The following PPP3CC variants were observed in gnomAD, a reference collection of about 807,000 sequenced individuals.
PPP3CC encodes serine/threonine-protein phosphatase 2B catalytic subunit gamma isoform.
A neutral mutation model predicts 60.3 loss-of-function variants in PPP3CC; 35 were observed. The ratio of observed to expected loss-of-function variants is 0.58; its 90% CI spans 0.44 to 0.77. The LOEUF is 0.77. Among genes scored for constraint, PPP3CC ranks in the 30% least tolerant of loss-of-function variants. The pLI, the probability that PPP3CC is intolerant of heterozygous loss-of-function variation, is 0.00. For synonymous variants in PPP3CC, 206 were observed against 224.3 expected (o/e 0.92, Z 0.73); for missense variants, 570 against 628.9 (o/e 0.91, Z 1.00).
chr8:22,458,028 A>G (rs1447054967), intron 1 of PPP3CC, among the ~76,000 whole-genome samples: 1 of 151,936 alleles, frequency 6.6e-6, no homozygotes, highest in African/African-American at 2.4e-5. Context: ...GAGGCAGAGG[A>G]TGCAGTGAGC....
At chr8:22,460,392 A>G (rs181492579) in intron 1 of PPP3CC, among the ~76,000 whole-genome samples, 10 of 152,062 alleles carry the variant, frequency 6.6e-5, no homozygotes, top group Non-Finnish European at 1.3e-4. Flanking sequence ...GAGTCTCGCT[A>G]TGTTGCCCAG....
intron 6 of PPP3CC, among the ~76,000 whole-genome samples, chr8:22,514,531 G>A (rs1327909109): frequency 1.3e-5 from 2 of 151,380 alleles, no homozygotes; most frequent in Non-Finnish European, 2.9e-5. Context: ...ATATTTATGG[G>A]TTATATGAGA....
chr8:22,471,725 C>T (rs868372154), intron 1 of PPP3CC, among the ~76,000 whole-genome samples: 2 of 152,028 alleles, frequency 1.3e-5, no homozygotes, highest in Admixed American at 6.6e-5. Context: ...CTGGGTGAGT[C>T]GGAGGTGAAT....
chr8:22,540,505 C>A (rs942014235), intron 13 of PPP3CC, 110 bp from the exon 14 acceptor site: 1 of 1,108,334 alleles, frequency 9.0e-7, no homozygotes, highest in African/African-American at 1.6e-5. Context: ...TCCATAGCCA[C>A]CTTTCTGTGT....
chr8:22,517,709 C>T (rs879427776), intron 6 of PPP3CC, among the ~76,000 whole-genome samples: 57 of 151,910 alleles, frequency 3.8e-4, no homozygotes, highest in Non-Finnish European at 7.4e-4. Context: ...TGTAATGTCT[C>T]CTCTTTCATT....
intron 10 of PPP3CC, among the ~76,000 whole-genome samples, chr8:22,531,080 A>C (rs893850003): frequency 6.6e-6 from 1 of 152,162 alleles, no homozygotes; most frequent in African/African-American, 2.4e-5. Flanking sequence ...GTAAAACCAT[A>C]AACTTTTAAG....
At chr8:22,535,249 C>A (rs1839817911) in intron 12 of PPP3CC, among the ~76,000 whole-genome samples, 1 of 152,080 alleles carries the variant, frequency 6.6e-6, no homozygotes, top group South Asian at 2.1e-4. Flanking sequence ...GAAATTTACC[C>A]AGGAGCTGAC....
At chr8:22,530,508 A>AAAATAAATAAAT (rs754526584) in intron 10 of PPP3CC, among the ~76,000 whole-genome samples, 77 of 122,350 alleles carry the variant, frequency 6.3e-4, no homozygotes, top group African/African-American at 2.3e-3. Context: ...CACAAACATA[A>AAAATAAATAAAT]AAATAAATAA....
At chr8:22,506,989 C>T (rs923068021) in intron 4 of PPP3CC, among the ~76,000 whole-genome samples, 2 of 151,756 alleles carry the variant, frequency 1.3e-5, no homozygotes, top group African/African-American at 2.4e-5. Context: ...AGCTATGTCT[C>T]ACGCCTGTAA....
At chr8:22,468,204 A>G (rs1368372757) in intron 1 of PPP3CC, among the ~76,000 whole-genome samples, 1 of 152,132 alleles carries the variant, frequency 6.6e-6, no homozygotes, top group African/African-American at 2.4e-5. Context: ...CCCGGGTTCA[A>G]GTGACTACCC....
At chr8:22,505,024 A>ATTTTT (rs34116717) in intron 4 of PPP3CC, among the ~76,000 whole-genome samples, 7 of 115,964 alleles carry the variant, frequency 6.0e-5, no homozygotes, top group Admixed American at 1.0e-4. Flanking sequence ...CCACGAACCT[A>ATTTTT]TTTTTTTTTT....
chr8:22,538,193 A>G (rs1235415623), intron 12 of PPP3CC, among the ~76,000 whole-genome samples: 1 of 152,192 alleles, frequency 6.6e-6, no homozygotes, highest in Non-Finnish European at 1.5e-5. Flanking sequence ...AGGGCCCCAA[A>G]CAAGGTAATA....
intron 4 of PPP3CC, among the ~76,000 whole-genome samples, chr8:22,506,434 C>T (rs1021694201): frequency 6.6e-6 from 1 of 152,060 alleles, no homozygotes; most frequent in Non-Finnish European, 1.5e-5. Flanking sequence ...AGCCAAAATA[C>T]GTTCTTAAGT....
chr8:22,500,077 C>T (rs1280423498), intron 4 of PPP3CC, among the ~76,000 whole-genome samples: 1 of 152,264 alleles, frequency 6.6e-6, no homozygotes, highest in East Asian at 1.9e-4. Context: ...ATGTTTAGAA[C>T]ACACTCTTGA....
chr8:22,523,798 A>T, intron 8 of PPP3CC: 1 of 314,800 alleles, frequency 3.2e-6, no homozygotes, highest in South Asian at 2.5e-5. Flanking sequence ...GGTCAGAAAC[A>T]AGGTATGATT....
intron 3 of PPP3CC, among the ~76,000 whole-genome samples, chr8:22,494,624 CTCAAAA>C (rs1838509291): frequency 6.6e-6 from 1 of 152,160 alleles, no homozygotes; most frequent in Non-Finnish European, 1.5e-5. Context: ...GATTTGTAAA[CTCAAAA>C]TCAATACAGT....
At chr8:22,494,282 G>C (rs1396888775) in intron 3 of PPP3CC, among the ~76,000 whole-genome samples, 1 of 152,122 alleles carries the variant, frequency 6.6e-6, no homozygotes, top group Non-Finnish European at 1.5e-5. Flanking sequence ...CTTCTTACAT[G>C]GCGGTGGCAA....
chr8:22,525,561 T>C (rs939526887), intron 8 of PPP3CC, among the ~76,000 whole-genome samples: 25 of 147,272 alleles, frequency 1.7e-4, no homozygotes, highest in African/African-American at 6.3e-4. Context: ...TCTCTCTCTT[T>C]CTTTCTCTCT....
At chr8:22,519,728 C>T (rs543273288) in intron 6 of PPP3CC, among the ~76,000 whole-genome samples, 1 of 152,316 alleles carries the variant, frequency 6.6e-6, no homozygotes, top group East Asian at 1.9e-4. Context: ...GATCTTGGCT[C>T]ACTGCAGCCT....
Sources: gnomAD v4.1 joint callset for allele counts (sites outside exome capture counted in the v4.1 genomes callset) on GRCh38, gnomAD v4.1.1 for gene constraint, MANE v1.5 for transcripts, NCBI Gene and HGNC (gene_info 2026-07-23, HGNC 2026-07-21) for gene names.